The following VWA8 variants were observed in gnomAD, a reference collection of about 807,000 sequenced individuals.
VWA8 encodes the protein von Willebrand factor A domain-containing protein 8.
In VWA8, 221 loss-of-function variants were observed where a neutral mutation model predicts 241.5. The ratio of observed to expected loss-of-function variants is 0.91; its 90% confidence interval spans 0.82 to 1.02. VWA8 has a LOEUF of 1.02. Ranked by LOEUF, VWA8 falls within the 50% of genes least tolerant of loss-of-function variation. The pLI, the probability that VWA8 is intolerant of heterozygous loss-of-function variation, is 0.00. For missense variants in VWA8, 2,322 were observed against 2,328.7 expected (o/e 1.00, Z 0.06); for synonymous variants, 852 against 827.1 (o/e 1.03, Z -0.52).
intron 12 of VWA8, among the ~76,000 whole-genome samples, chr13:41,856,323 G>A (rs766015608): frequency 6.6e-6 from 1 of 152,084 alleles, no homozygotes; most frequent in African/African-American, 2.4e-5. Context: ...GTGATAGAGC[G>A]AGACTTTGAT....
At chr13:41,855,800 C>A (rs1036195187) in intron 12 of VWA8, among the ~76,000 whole-genome samples, 2 of 152,032 alleles carry the variant, frequency 1.3e-5, no homozygotes, top group African/African-American at 4.8e-5. Context: ...ATGAATTATA[C>A]CTCAGTAAAC....
chr13:41,761,516 T>C (rs1423706003), intron 20 of VWA8, among the ~76,000 whole-genome samples: 1 of 152,100 alleles, frequency 6.6e-6, no homozygotes, highest in African/African-American at 2.4e-5. Flanking sequence ...AGCAGATGCC[T>C]ATAGTATTAA....
intron 3 of VWA8, 35 bp downstream of exon 3, chr13:41,912,003 A>G: frequency 6.6e-7 from 1 of 1,505,390 alleles, no homozygotes; most frequent in Middle Eastern, 1.8e-4. Context: ...TACAAAGTTA[A>G]GACCCTTAGA....
intron 43 of VWA8, among the ~76,000 whole-genome samples, chr13:41,572,161 G>A (rs1375448092): frequency 1.3e-5 from 2 of 151,702 alleles, no homozygotes; most frequent in Admixed American, 6.6e-5. Context: ...CAGCCGCCCC[G>A]TCCGGGAGGG....
chr13:41,831,609 A>G (rs1238543634), intron 13 of VWA8, among the ~76,000 whole-genome samples: 2 of 131,086 alleles, frequency 1.5e-5, no homozygotes, highest in African/African-American at 5.4e-5. Context: ...AAGCCCAGGC[A>G]TGAGTTTTTT....
chr13:41,611,733 C>A lies in VWA8; in HGVS notation c.4721-1G>T. 2 of 1,613,350 alleles carry A rather than the reference C, an allele frequency of 1.2e-6. No homozygotes were observed. The highest frequency in any genetic ancestry group is 1.7e-6 in the Non-Finnish European group (2 of 1,179,692). On this transcript the variant is annotated splice_acceptor_variant, in intron 38 of 44. Coordinates refer to ENST00000379310, the MANE Select transcript of VWA8 (RefSeq NM_015058.2). LOFTEE classifies it high-confidence loss of function. ...CCCAGGCCTGCCGTGTCTCTTCCCC[C>A]TGGAAGGAAAACGTGGAAATTCAGA...
intron 20 of VWA8, among the ~76,000 whole-genome samples, chr13:41,774,630 TCA>T (rs1868506201): frequency 6.6e-6 from 1 of 152,188 alleles, no homozygotes; most frequent in Non-Finnish European, 1.5e-5. Flanking sequence ...AAGTGACCTA[TCA>T]CACTTCAGAG....
intron 35 of VWA8, among the ~76,000 whole-genome samples, chr13:41,681,053 G>C (rs2045095185): frequency 6.6e-6 from 1 of 152,174 alleles, no homozygotes; most frequent in Non-Finnish European, 1.5e-5. Context: ...TGCTAAGTCA[G>C]TTTAAACAGA....
intron 10 of VWA8, 44 bp from the exon 11 acceptor site, chr13:41,866,080 G>A (rs1873285630): frequency 3.7e-6 from 6 of 1,601,664 alleles, no homozygotes; most frequent in Non-Finnish European, 3.4e-6. Flanking sequence ...AGATGTGGTG[G>A]CTCACGCCTA....
chr13:41,630,600 T>G (rs1040023037), intron 37 of VWA8, among the ~76,000 whole-genome samples: 1 of 152,250 alleles, frequency 6.6e-6, no homozygotes, highest in Admixed American at 6.5e-5. Flanking sequence ...ATTATTTTTC[T>G]GAGTTTACAA....
At chr13:41,888,381 C>A (rs757555973) in intron 5 of VWA8, among the ~76,000 whole-genome samples, 1 of 152,186 alleles carries the variant, frequency 6.6e-6, no homozygotes, top group African/African-American at 2.4e-5. Context: ...GCACTTAAGG[C>A]CTTTCCTGGC....
intron 12 of VWA8, among the ~76,000 whole-genome samples, chr13:41,843,658 T>C (rs1172967770): frequency 1.3e-5 from 2 of 152,088 alleles, no homozygotes; most frequent in African/African-American, 4.8e-5. Flanking sequence ...AAAGGTAACA[T>C]TACAACCGAT....
At chr13:41,622,973 C>G (rs1004989550) in intron 37 of VWA8, among the ~76,000 whole-genome samples, 5 of 152,116 alleles carry the variant, frequency 3.3e-5, no homozygotes, top group South Asian at 2.1e-4. Context: ...AAACAGAAGT[C>G]GGATATATCA....
chr13:41,835,721 T>A lies in VWA8; in HGVS notation c.1426-2190A>T, dbSNP rs117113144. ...ATCAAATATTACATATGCATATACA[T>A]GTGCATATAAATATATATGTGTCTG... On this transcript the variant is annotated intron_variant, in intron 12 of 44. Coordinates refer to ENST00000379310, the MANE Select transcript of VWA8 (RefSeq NM_015058.2). Among the ~76,000 whole-genome samples the A allele has an allele frequency of 4.9e-3, 750 of 152,314 alleles. 3 individuals carry two copies. Among genetic ancestry groups the A allele is most frequent in the Non-Finnish European group, 8.4e-3 (573 of 68,040 alleles).
chr13:41,696,378 A>G (rs1272769272), intron 29 of VWA8, among the ~76,000 whole-genome samples: 2 of 152,194 alleles, frequency 1.3e-5, no homozygotes, highest in African/African-American at 2.4e-5. Flanking sequence ...TGATTAGTGA[A>G]AGTATTATTT....
chr13:41,876,462 G>A (rs553425955), intron 9 of VWA8, among the ~76,000 whole-genome samples: 85 of 151,990 alleles, frequency 5.6e-4, no homozygotes, highest in African/African-American at 1.9e-3. Context: ...TTTTATACTG[G>A]TTATCCCTTC....
chr13:41,919,116 A>G (rs1220578320), intron 2 of VWA8, among the ~76,000 whole-genome samples: 1 of 152,228 alleles, frequency 6.6e-6, no homozygotes, highest in East Asian at 1.9e-4. Flanking sequence ...AGAGCCCTGG[A>G]GAACTGCAAA....
At chr13:41,600,673 C>A (rs530445588) in intron 40 of VWA8, among the ~76,000 whole-genome samples, 42 of 152,252 alleles carry the variant, frequency 2.8e-4, no homozygotes, top group African/African-American at 9.9e-4. Context: ...GATATTTTTA[C>A]ATAGGTGTCC....
At chr13:41,618,224 A>G (rs1372761172) in intron 37 of VWA8, among the ~76,000 whole-genome samples, 2 of 152,218 alleles carry the variant, frequency 1.3e-5, no homozygotes, top group African/African-American at 4.8e-5. Flanking sequence ...TTCTCTGATG[A>G]TCAGTGATGA....
Sources: allele counts gnomAD v4.1 joint callset (sites outside exome capture counted in the v4.1 genomes callset), GRCh38; gene constraint gnomAD v4.1.1; transcripts MANE v1.5; gene names NCBI Gene and HGNC (gene_info 2026-07-23, HGNC 2026-07-21).